The following KAT7 variants were observed in gnomAD, a reference collection of about 807,000 sequenced individuals.
KAT7 encodes lysine acetyltransferase 7, also known as histone acetyltransferase KAT7.
A neutral mutation model predicts 82.1 loss-of-function variants in KAT7; 10 were observed. The ratio of observed to expected loss-of-function variants is 0.12; its 90% CI spans 0.08 to 0.21. The LOEUF (loss-of-function observed/expected upper bound fraction) is 0.21, where lower values mean the gene tolerates loss of function less well. Ranked by LOEUF, KAT7 falls within the 10% of genes least tolerant of loss-of-function variation. KAT7 has a pLI of 1.00. For missense variants in KAT7, 378 were observed against 760.9 expected, an observed-to-expected ratio of 0.50 and a Z score of 5.92; for synonymous variants, 250 against 262.5, an observed-to-expected ratio of 0.95 and a Z score of 0.46.
rs753441554 is a variant in KAT7, at chr17:49,834,007, C to T, written c.*6505C>T. 1 of 152,186 alleles carries T rather than the reference C, an allele frequency of 6.6e-6. No individual in the cohort carries two copies. Among genetic ancestry groups the T allele is most frequent in the Non-Finnish European group, 1.5e-5 (1 of 68,032 alleles). 9.4% of individuals were successfully genotyped at this position (152,186 alleles called of 1,614,324 possible). On this transcript the variant is annotated 3_prime_UTR_variant, in exon 15 of 15. Transcript: ENST00000259021. The stretch of plus-strand genomic sequence containing the variant: ...TTCCGTGTAAATGGCAGCCTCAGTT[C>T]ACCTCATTTGGTTATTTATCGTGTC...
rs370023916 is a variant in KAT7, at chr17:49,827,520, A to G, written c.*18A>G. On this transcript the variant is annotated 3_prime_UTR_variant, in exon 15 of 15. Coordinates refer to ENST00000259021, the MANE Select transcript of KAT7 (RefSeq NM_007067.5). ...GCACTTAAAGTGACCTGTCATTCCGAGCCAGCGAACCCCAGCAGTAGGAAT... is the reference window on the plus strand; with the variant it reads ...GCACTTAAAGTGACCTGTCATTCCGGGCCAGCGAACCCCAGCAGTAGGAAT... 11 of 1,466,360 alleles carry G rather than the reference A, an allele frequency of 7.5e-6. No homozygotes were observed. Among genetic ancestry groups the G allele is most frequent in the Admixed American group, 3.3e-5 (2 of 59,750 alleles). The allele number at this position is 1,466,360 out of a possible 1,614,324, so 90.8% of individuals were successfully genotyped here.
At chr17:49,817,747 G>A (rs2074251974) in intron 8 of KAT7, 73 bp from the exon 9 acceptor site, 1 of 1,214,488 alleles carries the variant, frequency 8.2e-7, no homozygotes, top group Non-Finnish European at 1.2e-6. Flanking sequence ...GATTACAGGA[G>A]CCACTGTGCC....
intron 1 of KAT7, among the ~76,000 whole-genome samples, chr17:49,791,000 T>C (rs1359363614): frequency 6.6e-6 from 1 of 152,224 alleles, no homozygotes; most frequent in African/African-American, 2.4e-5. Context: ...TCCTTGCTCA[T>C]TGAAAAGATG....
In KAT7 at chr17:49,826,290, C is replaced by A. The variant is rs552268869; in HGVS notation, c.1627+144C>A. ...CCCTCACTAAAGCTGCCTAGGAATC[C>A]AAAGCATTTGGCCCCTGGGAATGGT... On this transcript the variant is annotated intron_variant, in intron 13 of 14. Coordinates refer to ENST00000259021, the MANE Select transcript of KAT7 (RefSeq NM_007067.5). The A allele has an allele frequency of 8.4e-5, 63 of 750,070 alleles. No individual in the cohort carries two copies. In the South Asian group the frequency reaches 1.1e-3, roughly 13 times the overall value. The allele number at this position is 750,070 out of a possible 1,614,324, so 46.5% of individuals were successfully genotyped here. A position where few individuals can be genotyped will look rare whatever the true frequency, so the allele number is the denominator to read the frequency against.
In KAT7 at chr17:49,826,949, A is replaced by T. The variant is rs2074375688; in HGVS notation, c.1734+150A>T. ...GGTCTCATTTCTGTAGCTGGCAGTG[A>T]TGCCTGTGTTGCCTTATCCTTATCA... On this transcript the variant is annotated intron_variant, in intron 14 of 14. Transcript: ENST00000259021. 4 of 575,808 alleles carry T rather than the reference A, an allele frequency of 6.9e-6. No individual in the cohort carries two copies. In the Admixed American group the frequency reaches 1.3e-4, roughly 18 times the overall value. The allele number at this position is 575,808 out of a possible 1,614,324, so 35.7% of individuals were successfully genotyped here.
intron 7 of KAT7, among the ~76,000 whole-genome samples, chr17:49,812,673 G>A (rs2074182623): frequency 6.6e-6 from 1 of 152,106 alleles, no homozygotes; most frequent in Non-Finnish European, 1.5e-5. Context: ...TTTGATGTGT[G>A]TTCTTTCACA....
At position 49,826,247 on chromosome 17, in the gene KAT7, T is replaced by C. The variant is rs563233739; in HGVS notation, c.1627+101T>C. ...ATGTGAGAACGGAAGGCCCACTGAA[T>C]ATGGACCACTGCGGAGACCCTCACT... On this transcript the variant is annotated intron_variant, in intron 13 of 14. Coordinates refer to ENST00000259021, the MANE Select transcript of KAT7 (RefSeq NM_007067.5). 6.5e-5 allele frequency: 77 copies of C among 1,189,514 alleles called. No individual in the cohort carries two copies. In the Middle Eastern group the frequency reaches 7.9e-4, roughly 12 times the overall value. The allele number at this position is 1,189,514 out of a possible 1,614,324, so 73.7% of individuals were successfully genotyped here. A position where few individuals can be genotyped will look rare whatever the true frequency, so the allele number is the denominator to read the frequency against.
Position 49,815,943 on chromosome 17 carries a change from C to T in KAT7, c.963+30C>T, listed in dbSNP as rs117174322. ...GTATTAAAACCTCCAAACTGAAGGC[C>T]GCTTGTGAAAGGTGCTTAGAGTTGC... is the stretch of plus-strand genomic sequence containing the variant. On this transcript the variant is annotated intron_variant, in intron 8 of 14. Coordinates refer to ENST00000259021, the MANE Select transcript of KAT7 (RefSeq NM_007067.5). The T allele has an allele frequency of 1.6e-4, 218 of 1,375,144 alleles. 1 individual carries two copies. Among genetic ancestry groups the T allele is most frequent in the Non-Finnish European group, 1.8e-4 (171 of 963,492 alleles). 85.2% of individuals were successfully genotyped at this position (1,375,144 alleles called of 1,614,324 possible). A position where few individuals can be genotyped will look rare whatever the true frequency, so the allele number is the denominator to read the frequency against.
At chr17:49,809,750 TC>T (rs1433605367) in intron 6 of KAT7, among the ~76,000 whole-genome samples, 1 of 152,200 alleles carries the variant, frequency 6.6e-6, no homozygotes, top group Non-Finnish European at 1.5e-5. Flanking sequence ...TCTTCACTCT[TC>T]CTGTTTTCCT....
chr17:49,793,134 T>C (rs1401697307), intron 2 of KAT7, among the ~76,000 whole-genome samples: 10 of 152,198 alleles, frequency 6.6e-5, no homozygotes, highest in African/African-American at 1.9e-4. Flanking sequence ...TTTTAACTTA[T>C]AATACTTTCA....
rs141696184 is a variant in KAT7, at chr17:49,801,616, A to G, written c.580+3058A>G. ...TTGATCCTCCAACCTCAGCCTCCCAAGTAGCTGGGACTACAGGCACATGCC... is the reference window on the plus strand; with the variant it reads ...TTGATCCTCCAACCTCAGCCTCCCAGGTAGCTGGGACTACAGGCACATGCC... On this transcript the variant is annotated intron_variant, in intron 4 of 14. Transcript: ENST00000259021. 4.8e-3 allele frequency among the ~76,000 whole-genome samples: 723 copies of G among 152,158 alleles called. 9 individuals carry two copies. The highest frequency in any genetic ancestry group is 0.016 in the African/African-American group (684 of 41,486).
chr17:49,805,004 T>C (rs559873783), intron 4 of KAT7, among the ~76,000 whole-genome samples: 3 of 152,296 alleles, frequency 2.0e-5, no homozygotes, highest in Admixed American at 6.5e-5. Context: ...ATAACCTGAT[T>C]AATTTAGTAT....
chr17:49,809,405 TGC>T (rs1203247134), intron 6 of KAT7, among the ~76,000 whole-genome samples, 197 bp downstream of exon 6: 3 of 152,236 alleles, frequency 2.0e-5, no homozygotes, highest in Non-Finnish European at 4.4e-5. Flanking sequence ...GAAGGAATCA[TGC>T]TATCTACAGT....
intron 1 of KAT7, 94 bp from the exon 2 acceptor site, chr17:49,791,792 G>A: frequency 1.6e-6 from 2 of 1,285,012 alleles, no homozygotes; most frequent in Non-Finnish European, 2.2e-6. Flanking sequence ...TGAACTTGGG[G>A]TTTTCAGTGT....
rs78815365 is a variant in KAT7 at position 49,832,380 on chromosome 17, C to G, written c.*4878C>G. On this transcript the variant is annotated 3_prime_UTR_variant, in exon 15 of 15. Transcript: ENST00000259021. ...GGTGGGGTGGGTCAAAACAAAGTCT[C>G]GAGCTGTACCAGGATCAAGCAGCAC... 6.6e-6 allele frequency: 1 copy of G among 152,216 alleles called. No individual in the cohort carries two copies. The highest frequency in any genetic ancestry group is 1.5e-5 in the Non-Finnish European group (1 of 68,058). The allele number at this position is 152,216 out of a possible 1,614,324, so 9.4% of individuals were successfully genotyped here.
rs771278338 is a variant in KAT7 at position 49,798,605 on chromosome 17, C to T, written c.580+47C>T. The T allele has an allele frequency of 2.6e-6, 4 of 1,539,536 alleles. No homozygotes were observed. In the African/African-American group the frequency reaches 4.1e-5, roughly 16 times the overall value. ...GACATCCTTTGTTCTGTGGTTCTCT[C>T]TCCCAGGATCATCCAGAAATGTTTT... is the stretch of plus-strand genomic sequence containing the variant. On this transcript the variant is annotated intron_variant, in intron 4 of 14. Transcript: ENST00000259021.
At chr17:49,804,518 G>A (rs1424018367) in intron 4 of KAT7, among the ~76,000 whole-genome samples, 1 of 152,230 alleles carries the variant, frequency 6.6e-6, no homozygotes, top group East Asian at 1.9e-4. Context: ...GCTCATGCCT[G>A]TAATCCTAGC....
At chr17:49,790,355 C>T (rs145204824) in intron 1 of KAT7, among the ~76,000 whole-genome samples, 198 of 152,222 alleles carry the variant, frequency 1.3e-3, no homozygotes, top group African/African-American at 4.5e-3. Context: ...TTCCATGACG[C>T]CCAGCTAATT....
At chr17:49,799,782 C>T (rs967204920) in intron 4 of KAT7, among the ~76,000 whole-genome samples, 2 of 152,126 alleles carry the variant, frequency 1.3e-5, no homozygotes, top group Non-Finnish European at 1.5e-5. Flanking sequence ...CCCATCTCAG[C>T]CTCCCAAGTA....
Sources: allele counts gnomAD v4.1 joint callset (sites outside exome capture counted in the v4.1 genomes callset), GRCh38; gene constraint gnomAD v4.1.1; transcripts MANE v1.5; gene names NCBI Gene and HGNC (gene_info 2026-07-23, HGNC 2026-07-21).